The following COL28A1 variants were observed in gnomAD, a reference collection of about 807,000 sequenced individuals.
COL28A1 encodes the protein collagen type XXVIII alpha 1 chain, also known as collagen alpha-1(XXVIII) chain.
In COL28A1, 161 loss-of-function variants were observed where a neutral mutation model predicts 150.2. That is an observed-to-expected ratio of 1.07 (90% confidence interval 0.94 to 1.22). The LOEUF (loss-of-function observed/expected upper bound fraction) is 1.22, where lower values mean the gene tolerates loss of function less well. COL28A1 is among the 50% of genes most tolerant of loss of function. COL28A1 has a pLI of 0.00. For synonymous variants in COL28A1, 552 were observed against 469.7 expected (o/e 1.18, Z -2.26); for missense variants, 1,617 against 1,388.3 (o/e 1.16, Z -2.62).
At chr7:7,481,912 C>T (rs1052366418) in intron 13 of COL28A1, among the ~76,000 whole-genome samples, 1 of 151,672 alleles carries the variant, frequency 6.6e-6, no homozygotes, top group Non-Finnish European at 1.5e-5. Context: ...CTCTGAATAA[C>T]CTTGCATAAA....
chr7:7,451,533 C>A (rs1786692062), intron 18 of COL28A1, among the ~76,000 whole-genome samples: 1 of 151,986 alleles, frequency 6.6e-6, no homozygotes, highest in Non-Finnish European at 1.5e-5. Flanking sequence ...AGAAATACTT[C>A]ATTTTTTAAA....
intron 27 of COL28A1, among the ~76,000 whole-genome samples, chr7:7,395,043 G>C (rs970102949): frequency 1.3e-5 from 2 of 152,190 alleles, no homozygotes; most frequent in African/African-American, 4.8e-5. Flanking sequence ...TGTAATCCCA[G>C]CACTTTGGGA....
At chr7:7,428,933 A>G (rs1784788544) in intron 25 of COL28A1, among the ~76,000 whole-genome samples, 1 of 152,244 alleles carries the variant, frequency 6.6e-6, no homozygotes, top group Non-Finnish European at 1.5e-5. Flanking sequence ...CACTTGGAAA[A>G]GAGCCACGGA....
chr7:7,490,149 T>C (rs538202618), intron 12 of COL28A1, among the ~76,000 whole-genome samples: 1 of 152,326 alleles, frequency 6.6e-6, no homozygotes, highest in South Asian at 2.1e-4. Context: ...TTTCTAGTTC[T>C]CTACAAATCT....
At chr7:7,487,351 G>C (rs780507573) in intron 13 of COL28A1, among the ~76,000 whole-genome samples, 1 of 152,092 alleles carries the variant, frequency 6.6e-6, no homozygotes, top group Non-Finnish European at 1.5e-5. Flanking sequence ...GCAGAGGTGG[G>C]TTCATCACCT....
intron 33 of COL28A1, among the ~76,000 whole-genome samples, chr7:7,365,904 ATACTTAAACTGAAGGT>A (rs1780910607): frequency 6.6e-6 from 1 of 152,122 alleles, no homozygotes; most frequent in Non-Finnish European, 1.5e-5. Flanking sequence ...CTGCACTCAA[ATACTTAAACTGAAGGT>A]TACTTATTTG....
chr7:7,354,866 T>A (rs1035491357), downstream of COL28A1, among the ~76,000 whole-genome samples: 1 of 152,152 alleles, frequency 6.6e-6, no homozygotes, highest in Non-Finnish European at 1.5e-5. Flanking sequence ...TCACTCTGGT[T>A]TGGATGCCTC....
At chr7:7,459,316 C>T (rs1369680502) in intron 15 of COL28A1, among the ~76,000 whole-genome samples, 1 of 152,162 alleles carries the variant, frequency 6.6e-6, no homozygotes, top group East Asian at 1.9e-4. Flanking sequence ...TGCTGTACAG[C>T]CAGAGCTAAG....
At chr7:7,417,546 G>A (rs1283720665) in intron 27 of COL28A1, 33 of 85,602 alleles carry the variant, frequency 3.9e-4, no homozygotes, top group African/African-American at 2.8e-3. Flanking sequence ...GGGAGGGGGG[G>A]GGGAGAGAGA....
intron 13 of COL28A1, among the ~76,000 whole-genome samples, chr7:7,485,371 G>T (rs1381158955): frequency 2.6e-5 from 4 of 151,716 alleles, no homozygotes; most frequent in Non-Finnish European, 5.9e-5. Context: ...CAAATCCTTT[G>T]TAAATGTGTA....
intron 27 of COL28A1, among the ~76,000 whole-genome samples, chr7:7,393,033 G>A (rs911990575): frequency 1.3e-5 from 2 of 152,122 alleles, no homozygotes; most frequent in Non-Finnish European, 2.9e-5. Flanking sequence ...GAGGAGTTGT[G>A]ATCCTTTGGA....
intron 25 of COL28A1, among the ~76,000 whole-genome samples, chr7:7,430,606 T>A (rs538910321): frequency 6.6e-6 from 1 of 152,356 alleles, no homozygotes; most frequent in Non-Finnish European, 1.5e-5. Context: ...AATACACATA[T>A]TCTAGTATAT....
Position 7,373,567 on chromosome 7 carries a change from G to T in COL28A1, c.2360-21C>A. On this transcript the variant is annotated intron_variant, in intron 31 of 34. Coordinates refer to ENST00000399429, the MANE Select transcript of COL28A1 (RefSeq NM_001037763.3). The surrounding 1 kb of genome is among the most constrained non-coding windows in gnomAD (Gnocchi z 4.1). ...ACAACCTAAAAGATGAATGTTGAGAGAGAAAAATTGTGGGAATGATTGACA... is the reference window on the plus strand; with the variant it reads ...ACAACCTAAAAGATGAATGTTGAGATAGAAAAATTGTGGGAATGATTGACA... The T allele has an allele frequency of 6.3e-7, 1 of 1,580,980 alleles. No homozygotes were observed. The highest frequency in any genetic ancestry group is 8.6e-7 in the Non-Finnish European group (1 of 1,162,016).
intron 15 of COL28A1, among the ~76,000 whole-genome samples, chr7:7,458,881 G>C (rs990651462): frequency 6.6e-6 from 1 of 152,162 alleles, no homozygotes; most frequent in African/African-American, 2.4e-5. Flanking sequence ...ACATAAGAGA[G>C]GGTCCCTTTT....
chr7:7,430,808 T>G (rs1784919457), intron 25 of COL28A1, among the ~76,000 whole-genome samples: 1 of 152,114 alleles, frequency 6.6e-6, no homozygotes, highest in South Asian at 2.1e-4. Context: ...AAAGAATACA[T>G]CAGTACCCAA....
the COL28A1 span, among the ~76,000 whole-genome samples, chr7:7,338,433 G>A: frequency 6.6e-6 from 1 of 151,870 alleles, no homozygotes; most frequent in Non-Finnish European, 1.5e-5. Flanking sequence ...TGTATTCCTA[G>A]GTATTTTATT....
At position 7,370,788 on chromosome 7, in the gene COL28A1, A is replaced by G. The variant is rs746517840; in HGVS notation, c.3003T>C (p.Phe1001=). Residue 1001 remains phenylalanine, a synonymous_variant, in exon 33 of 35, where the codon TTT becomes TTC. Transcript: ENST00000399429. Reference sequence around the variant, plus strand: ...CACTGAGTTCTTCCCCTGACATCCCAAATCCAGGTTGAGGTGACGATGAAC... The same window carrying G: ...CACTGAGTTCTTCCCCTGACATCCCGAATCCAGGTTGAGGTGACGATGAAC... The part of the protein sequence containing the change: ...IFGSSSPQPG[F]GMSGEELSES... 3 of 1,613,750 alleles carry G rather than the reference A, an allele frequency of 1.9e-6. No homozygotes were observed. The African/African-American group carries it at 4.0e-5, about 22-fold the overall frequency.
rs541140723 is a variant in COL28A1, at chr7:7,430,785, T to C, written c.1998+1688A>G. The stretch of plus-strand genomic sequence containing the variant: ...AATTTTAGGATTTTGACAGGTGCTA[T>C]GCCTTAAAGAAAAAAGAATACATCA... On this transcript the variant is annotated intron_variant, in intron 25 of 34. Transcript: ENST00000399429. Among the ~76,000 whole-genome samples, 3 of 152,294 alleles carry C rather than the reference T, an allele frequency of 2.0e-5. No individual in the cohort carries two copies. In the South Asian group the frequency reaches 6.2e-4, roughly 32 times the overall value.
chr7:7,498,347 T>A (rs1169761850), intron 11 of COL28A1, among the ~76,000 whole-genome samples: 1 of 152,064 alleles, frequency 6.6e-6, no homozygotes, highest in Non-Finnish European at 1.5e-5. Flanking sequence ...CTGGTAAAAA[T>A]TCAGGGTGGA....
Sources: gnomAD v4.1 joint callset for allele counts (sites outside exome capture counted in the v4.1 genomes callset) on GRCh38, gnomAD v4.1.1 for gene constraint, Gnocchi (gnomAD v3.1) non-coding constraint, MANE v1.5 for transcripts, NCBI Gene and HGNC (gene_info 2026-07-23, HGNC 2026-07-21) for gene names.